SGCZ: variants seen among roughly 807,000 people sequenced by gnomAD.
SGCZ encodes the protein sarcoglycan zeta.
SGCZ carries 40 observed loss-of-function variants against 41.3 expected under a neutral mutation model. The ratio of observed to expected loss-of-function variants is 0.97; its 90% confidence interval spans 0.75 to 1.26. The LOEUF is 1.26. Among genes scored for constraint, SGCZ ranks in the 50% most tolerant of loss-of-function variants. The pLI is 0.00. For missense variants in SGCZ, 552 were observed against 369.8 expected (o/e 1.49, Z -4.04); for synonymous variants, 206 against 137.5 (o/e 1.50, Z -3.49).
At chr8:14,212,240 CA>C (rs1224932906) in intron 4 of SGCZ, among the ~76,000 whole-genome samples, 1 of 151,974 alleles carries the variant, frequency 6.6e-6, no homozygotes, top group African/African-American at 2.4e-5. Flanking sequence ...GATGTACCAG[CA>C]GAGATTATGT....
At chr8:15,141,995 C>T (rs780424532) in intron 1 of SGCZ, among the ~76,000 whole-genome samples, 11 of 151,986 alleles carry the variant, frequency 7.2e-5, no homozygotes, top group Admixed American at 3.9e-4. Flanking sequence ...GGGACAGGCA[C>T]CGGCTGCATC....
intron 1 of SGCZ, among the ~76,000 whole-genome samples, chr8:15,036,511 G>A (rs1222084920): frequency 8.6e-5 from 13 of 151,984 alleles, no homozygotes; most frequent in Admixed American, 8.5e-4. Context: ...CATGATACAT[G>A]TTTACCTATG....
chr8:14,670,951 A>G (rs544906932), intron 1 of SGCZ, among the ~76,000 whole-genome samples: 55 of 152,346 alleles, frequency 3.6e-4, no homozygotes, highest in African/African-American at 1.2e-3. Context: ...AAGAACAGCT[A>G]TCACTCAAAG....
intron 1 of SGCZ, among the ~76,000 whole-genome samples, chr8:14,863,821 G>A (rs886126408): frequency 6.6e-6 from 1 of 152,116 alleles, no homozygotes; most frequent in African/African-American, 2.4e-5. Flanking sequence ...GGTTGTAAAT[G>A]CTGGAAATAC....
At chr8:14,877,860 T>G (rs1804421140) in intron 1 of SGCZ, among the ~76,000 whole-genome samples, 1 of 152,172 alleles carries the variant, frequency 6.6e-6, no homozygotes, top group South Asian at 2.1e-4. Context: ...TAATGGATTT[T>G]CATGTTCCTT....
chr8:15,172,728 T>A (rs986468150), intron 1 of SGCZ, among the ~76,000 whole-genome samples: 4 of 152,178 alleles, frequency 2.6e-5, no homozygotes, highest in Non-Finnish European at 4.4e-5. Context: ...TTTACCTTTA[T>A]CAACATGCGT....
intron 1 of SGCZ, among the ~76,000 whole-genome samples, chr8:15,183,075 GC>G (rs1800225452): frequency 6.6e-6 from 1 of 152,162 alleles, no homozygotes; most frequent in Admixed American, 6.5e-5. Flanking sequence ...GCAGTAACAG[GC>G]ATGGAGCTGT....
At chr8:14,639,458 C>T (rs1409953773) in intron 1 of SGCZ, among the ~76,000 whole-genome samples, 2 of 151,446 alleles carry the variant, frequency 1.3e-5, no homozygotes, top group East Asian at 2.0e-4. Flanking sequence ...TAGGAATTAC[C>T]AAGGGGATAA....
chr8:14,741,442 G>T (rs2130280117), intron 1 of SGCZ, among the ~76,000 whole-genome samples: 1 of 151,974 alleles, frequency 6.6e-6, no homozygotes, highest in Non-Finnish European at 1.5e-5. Flanking sequence ...TGACACTTTT[G>T]TTTGTTTTAC....
chr8:15,192,981 T>G (rs7006889), intron 1 of SGCZ, among the ~76,000 whole-genome samples: 73,694 of 151,920 alleles, frequency 0.49, 19,871 homozygotes, highest in Non-Finnish European at 0.59. Flanking sequence ...ATGACACACT[T>G]TACCCATTTA....
At chr8:14,382,231 T>C (rs1804394881) in intron 2 of SGCZ, among the ~76,000 whole-genome samples, 2 of 152,100 alleles carry the variant, frequency 1.3e-5, no homozygotes, top group South Asian at 2.1e-4. Context: ...AGCTCTTCTG[T>C]GTAGCTGGAG....
intron 1 of SGCZ, among the ~76,000 whole-genome samples, chr8:15,011,089 T>C (rs1050786735): frequency 6.6e-6 from 1 of 152,226 alleles, no homozygotes; most frequent in African/African-American, 2.4e-5. Flanking sequence ...GCCAATCTTA[T>C]CTTCTTGTTT....
At chr8:14,467,709 C>T (rs532838483) in intron 2 of SGCZ, among the ~76,000 whole-genome samples, 35 of 152,038 alleles carry the variant, frequency 2.3e-4, no homozygotes, top group African/African-American at 4.8e-5. Flanking sequence ...TATTTTCGGT[C>T]CTTCCTACAC....
At chr8:14,759,634 T>C (rs1799798125) in intron 1 of SGCZ, among the ~76,000 whole-genome samples, 1 of 152,172 alleles carries the variant, frequency 6.6e-6, no homozygotes, top group Non-Finnish European at 1.5e-5. Flanking sequence ...TTTTGTATCA[T>C]ACTGACAGAT....
intron 3 of SGCZ, among the ~76,000 whole-genome samples, chr8:14,239,380 A>G (rs1806889874): frequency 6.6e-6 from 1 of 152,136 alleles, no homozygotes; most frequent in Non-Finnish European, 1.5e-5. Context: ...GAAACAGGAA[A>G]AGTCTATGAA....
chr8:15,188,081 A>T (rs1051062591), intron 1 of SGCZ, among the ~76,000 whole-genome samples: 1 of 151,988 alleles, frequency 6.6e-6, no homozygotes, highest in Non-Finnish European at 1.5e-5. Context: ...AATTTTAACC[A>T]TGTCTACATA....
At chr8:14,655,855 C>A (rs1208994104) in intron 1 of SGCZ, among the ~76,000 whole-genome samples, 1 of 152,036 alleles carries the variant, frequency 6.6e-6, no homozygotes, top group South Asian at 2.1e-4. Context: ...ATAATTGGAA[C>A]CACATACTAT....
chr8:14,192,321 G>C (rs540014065), intron 4 of SGCZ, among the ~76,000 whole-genome samples: 3 of 151,972 alleles, frequency 2.0e-5, no homozygotes, highest in African/African-American at 7.2e-5. Flanking sequence ...TGGTCAGCTG[G>C]ACAACTACCA....
chr8:15,004,042 A>G (rs562778274), intron 1 of SGCZ, among the ~76,000 whole-genome samples: 2 of 152,272 alleles, frequency 1.3e-5, no homozygotes, highest in South Asian at 4.1e-4. Context: ...AACGCCCCAG[A>G]GATCACCCAA....
Sources: gnomAD v4.1 joint callset for allele counts (sites outside exome capture counted in the v4.1 genomes callset) on GRCh38, gnomAD v4.1.1 for gene constraint, MANE v1.5 for transcripts, NCBI Gene and HGNC (gene_info 2026-07-23, HGNC 2026-07-21) for gene names.